Variants in MYCL observed in about 807,000 individuals in gnomAD.
MYCL encodes the protein MYCL proto-oncogene, bHLH transcription factor, also known as protein L-Myc.
Under a neutral mutation model 31.0 loss-of-function variants are expected in MYCL, and 11 were observed. The ratio of observed to expected loss-of-function variants is 0.35; its 90% CI spans 0.22 to 0.59. The LOEUF (loss-of-function observed/expected upper bound fraction) is 0.59, where lower values mean the gene tolerates loss of function less well. Ranked by LOEUF, MYCL falls within the 20% of genes least tolerant of loss-of-function variation. The pLI, the probability that MYCL is intolerant of heterozygous loss-of-function variation, is 0.79. For synonymous variants in MYCL, 208 were observed against 202.4 expected (o/e 1.03, Z -0.23); for missense variants, 427 against 486.1 (o/e 0.88, Z 1.14).
rs762384298 is a variant in MYCL, at chr1:39,901,030, G to T, written c.405C>A (p.Leu135=). ...CGGCGGGCGCCGGGTTGCCGGCTTCGAGGCTGGGAGTGCAGTCCGGGGCGG... is the reference window on the plus strand; with the variant it reads ...CGGCGGGCGCCGGGTTGCCGGCTTCTAGGCTGGGAGTGCAGTCCGGGGCGG... ...ASAAPDCTPS[L]EAGNPAPAAP... is the part of the protein sequence containing the mutation. The change falls in exon 1 of 2, where the codon CTC becomes CTA. Residue 135 remains leucine (L), a synonymous_variant. Coordinates refer to ENST00000372816, the MANE Select transcript of MYCL (RefSeq NM_001033081.3). This position sits in a 1 kb window ranked among gnomAD's most constrained non-coding sequence, Gnocchi z 6.9. 3 of 1,508,536 alleles carry T rather than the reference G, an allele frequency of 2.0e-6. No homozygotes were observed. Among genetic ancestry groups the T allele is most frequent in the Non-Finnish European group, 2.7e-6 (3 of 1,130,216 alleles). The allele number at this position is 1,508,536 out of a possible 1,614,324, so 93.4% of individuals were successfully genotyped here.
chr1:39,897,711 T>C lies in MYCL; in HGVS notation c.756A>G (p.Glu252=). 1 of 1,614,168 alleles carries C rather than the reference T, an allele frequency of 6.2e-7. No homozygotes were observed. Among genetic ancestry groups the C allele is most frequent in the Non-Finnish European group, 8.5e-7 (1 of 1,180,004 alleles). ...AAGEKEDEED[E]EIVSPPPVES... ...CTACAGGTGGGGGACTCACAATCTC[T>C]TCATCCTCCTCATCTTCCTTTTCCC... Residue 252 remains glutamate (E), a synonymous_variant, in exon 2 of 2, where the codon GAA becomes GAG. Coordinates refer to ENST00000372816, the MANE Select transcript of MYCL (RefSeq NM_001033081.3). The surrounding 1 kb of genome is among the most constrained non-coding windows in gnomAD (Gnocchi z 4.3).
At chr1:39,899,130 A>C (rs1644510353) in intron 1 of MYCL, 1 of 972,098 alleles carries the variant, frequency 1.0e-6, no homozygotes, top group Non-Finnish European at 1.2e-6. Flanking sequence ...CTGTGTTTGG[A>C]CTTCTGTCTT....
chr1:39,901,792 C>A lies in MYCL; in HGVS notation c.-358G>T. ...CGCGGGACCCGCGCCCGTGCCCTGG[C>A]CACCCGCAGCCTCACCTCGCTCCAG... is the stretch of plus-strand genomic sequence containing the variant. On this transcript the variant is annotated 5_prime_UTR_variant, in exon 1 of 2. Transcript: ENST00000372816. This position sits in a 1 kb window ranked among gnomAD's most constrained non-coding sequence, Gnocchi z 6.9. 1 of 1,271,124 alleles carries A rather than the reference C, an allele frequency of 7.9e-7. No homozygotes were observed. Among genetic ancestry groups the A allele is most frequent in the Non-Finnish European group, 1.0e-6 (1 of 998,424 alleles). The allele number at this position is 1,271,124 out of a possible 1,614,324, so 78.7% of individuals were successfully genotyped here.
rs1269729528 is a variant in MYCL, at chr1:39,897,561, C to T, written c.906G>A (p.Leu302=). Residue 302 remains leucine (L), a synonymous_variant, in exon 2 of 2, where the codon TTG becomes TTA. Coordinates refer to ENST00000372816, the MANE Select transcript of MYCL (RefSeq NM_001033081.3). The surrounding 1 kb of genome is among the most constrained non-coding windows in gnomAD (Gnocchi z 4.3). ...KRRNDLRSRF[L]ALRDQVPTLA... Reference sequence around the variant, plus strand: ...GGGTGGGCACCTGGTCCCTCAGCGCCAAGAATCGCGAACGCAGGTCATTCC... The same window carrying T: ...GGGTGGGCACCTGGTCCCTCAGCGCTAAGAATCGCGAACGCAGGTCATTCC... 1 of 1,614,106 alleles carries T rather than the reference C, an allele frequency of 6.2e-7. No individual in the cohort carries two copies. The highest frequency in any genetic ancestry group is 8.5e-7 in the Non-Finnish European group (1 of 1,180,052).
intron 1 of MYCL, chr1:39,899,747 T>G (rs1644516703): frequency 1.0e-6 from 1 of 984,938 alleles, no homozygotes; most frequent in Non-Finnish European, 1.2e-6. Flanking sequence ...AAAAAAGACT[T>G]TTAATTTTTG....
At position 39,897,869 on chromosome 1, in the gene MYCL, T is replaced by G; in HGVS notation, c.598A>C (p.Met200Leu). The G allele has an allele frequency of 1.2e-6, 2 of 1,614,214 alleles. No homozygotes were observed. The highest frequency in any genetic ancestry group is 1.3e-5 in the African/African-American group (1 of 75,048). ...TGGATGGAGATGTGGAAATGCTTCA[T>G]GCAGGGATCCAGGGGGTCTGCTCGC... ...TVRADPLDPC[M>L]KHFHISIHQQ... Residue 200 changes from methionine to leucine, a missense_variant, in exon 2 of 2, where the codon ATG becomes CTG. Coordinates refer to ENST00000372816, the MANE Select transcript of MYCL (RefSeq NM_001033081.3). This position sits in a 1 kb window ranked among gnomAD's most constrained non-coding sequence, Gnocchi z 4.3.
chr1:39,897,156 C>A lies in MYCL; in HGVS notation c.*216G>T. On this transcript the variant is annotated 3_prime_UTR_variant, in exon 2 of 2. Coordinates refer to ENST00000372816, the MANE Select transcript of MYCL (RefSeq NM_001033081.3). This position sits in a 1 kb window ranked among gnomAD's most constrained non-coding sequence, Gnocchi z 4.3. ...GAAGCCAAAGGCGCCAGAGAACATA[C>A]AGCACTCCCATGAGTCAGGGAAGAG... The A allele has an allele frequency of 1.7e-6, 1 of 581,546 alleles. No homozygotes were observed. Among genetic ancestry groups the A allele is most frequent in the Non-Finnish European group, 3.0e-6 (1 of 330,418 alleles). 36.0% of individuals were successfully genotyped at this position (581,546 alleles called of 1,614,324 possible). A position where few individuals can be genotyped will look rare whatever the true frequency, so the allele number is the denominator to read the frequency against.
chr1:39,898,477 C>T (rs1179446272), intron 1 of MYCL, among the ~76,000 whole-genome samples: 4 of 152,190 alleles, frequency 2.6e-5, no homozygotes, highest in Non-Finnish European at 5.9e-5. Flanking sequence ...CCTATTATTC[C>T]CCCACCTCTC....
chr1:39,897,657 G>C lies in MYCL; in HGVS notation c.810C>G (p.Pro270=), dbSNP rs759523837. Residue 270 remains proline, a synonymous_variant, in exon 2 of 2, where the codon CCC becomes CCG. Coordinates refer to ENST00000372816, the MANE Select transcript of MYCL (RefSeq NM_001033081.3). The surrounding 1 kb of genome is among the most constrained non-coding windows in gnomAD (Gnocchi z 4.3). ...VESEAAQSCH[P]KPVSSDTEDV... ...CCTCAGTATCAGAACTGACAGGTTT[G>C]GGGTGGCAGGACTGGGCAGCCTCAC... 4 of 1,614,204 alleles carry C rather than the reference G, an allele frequency of 2.5e-6. No individual in the cohort carries two copies. Among genetic ancestry groups the C allele is most frequent in the Non-Finnish European group, 3.4e-6 (4 of 1,180,044 alleles).
Position 39,897,261 on chromosome 1 carries a change from T to C in MYCL, c.*111A>G. ...GGCTGCAATGCATTCTGGGATCTAC[T>C]GTCCAGACTGTCCCACCATAACCAA... On this transcript the variant is annotated 3_prime_UTR_variant, in exon 2 of 2. Transcript: ENST00000372816. The surrounding 1 kb of genome is among the most constrained non-coding windows in gnomAD (Gnocchi z 4.3). The C allele has an allele frequency of 1.1e-6, 1 of 934,168 alleles. No homozygotes were observed. Among genetic ancestry groups the C allele is most frequent in the Non-Finnish European group, 1.6e-6 (1 of 615,352 alleles). The allele number at this position is 934,168 out of a possible 1,614,324, so 57.9% of individuals were successfully genotyped here.
intron 1 of MYCL, chr1:39,900,551 CT>C (rs1428898130): frequency 1.7e-6 from 2 of 1,175,782 alleles, no homozygotes; most frequent in Non-Finnish European, 2.1e-6. Context: ...TCTTCTCCCC[CT>C]AGGGGAGTGT....
Position 39,896,760 on chromosome 1 carries a change from G to A in MYCL, c.*612C>T, listed in dbSNP as rs567640219. ...CCCAGGGTCGCAGCATTGGGAGTGG[G>A]AGGAAGGGGGTCAGCTAACATCATA... is the stretch of plus-strand genomic sequence containing the variant. On this transcript the variant is annotated 3_prime_UTR_variant, in exon 2 of 2. Transcript: ENST00000372816. 1 of 216,050 alleles carries A rather than the reference G, an allele frequency of 4.6e-6. No individual in the cohort carries two copies. The highest frequency in any genetic ancestry group is 1.9e-4 in the South Asian group (1 of 5,358). 13.4% of individuals were successfully genotyped at this position (216,050 alleles called of 1,614,324 possible). A position where few individuals can be genotyped will look rare whatever the true frequency, so the allele number is the denominator to read the frequency against.
At chr1:39,900,334 T>C (rs751187408) in intron 1 of MYCL, 3 of 985,518 alleles carry the variant, frequency 3.0e-6, no homozygotes, top group Non-Finnish European at 3.6e-6. Context: ...CTTGTAGTGA[T>C]TGTCTATCTC....
chr1:39,897,584 TC>T lies in MYCL; in HGVS notation c.882del (p.Asn295MetfsTer10), dbSNP rs1320305271. The T allele has an allele frequency of 6.2e-7, 1 of 1,614,212 alleles. No individual in the cohort carries two copies. The highest frequency in any genetic ancestry group is 8.5e-7 in the Non-Finnish European group (1 of 1,180,042). On this transcript the variant is annotated frameshift_variant, in exon 2 of 2. Transcript: ENST00000372816. LOFTEE classifies it high-confidence loss of function. This position sits in a 1 kb window ranked among gnomAD's most constrained non-coding sequence, Gnocchi z 4.3. The part of the protein sequence containing the change: ...KNHNFLERKR[R>X]NDLRSRFLAL... The stretch of plus-strand genomic sequence containing the variant: ...GCCAAGAATCGCGAACGCAGGTCAT[TC>T]CGCCTCTTGCGCTCCAGGAAGTTGT...
At chr1:39,900,541 T>C in intron 1 of MYCL, 2 of 1,153,062 alleles carry the variant, frequency 1.7e-6, no homozygotes, top group Non-Finnish European at 2.1e-6. Flanking sequence ...GCTCTCGGCT[T>C]CTTCTCCCCC....
rs1644491859 is a variant in MYCL, at chr1:39,897,368, T to C, written c.*4A>G. ...AAGACAGAACTGTCAGGCTTTTTGG[T>C]CAGTTAGTAGCCAGTGAGGTATGCA... is the stretch of plus-strand genomic sequence containing the variant. On this transcript the variant is annotated 3_prime_UTR_variant, in exon 2 of 2. Transcript: ENST00000372816. This position sits in a 1 kb window ranked among gnomAD's most constrained non-coding sequence, Gnocchi z 4.3. The C allele has an allele frequency of 1.3e-6, 2 of 1,569,372 alleles. No homozygotes were observed. The highest frequency in any genetic ancestry group is 3.8e-5 in the Admixed American group (2 of 52,918).
chr1:39,897,234 C>T lies in MYCL; in HGVS notation c.*138G>A. 4 of 765,332 alleles carry T rather than the reference C, an allele frequency of 5.2e-6. No individual in the cohort carries two copies. The Admixed American group carries it at 7.0e-5, about 13-fold the overall frequency. The allele number at this position is 765,332 out of a possible 1,614,324, so 47.4% of individuals were successfully genotyped here. On this transcript the variant is annotated 3_prime_UTR_variant, in exon 2 of 2. Coordinates refer to ENST00000372816, the MANE Select transcript of MYCL (RefSeq NM_001033081.3). The surrounding 1 kb of genome is among the most constrained non-coding windows in gnomAD (Gnocchi z 4.3). ...AATGCAAGCCTTTATTGTGTGTGCACCGGCTGCAATGCATTCTGGGATCTA... is the reference window on the plus strand; with the variant it reads ...AATGCAAGCCTTTATTGTGTGTGCATCGGCTGCAATGCATTCTGGGATCTA...
rs2124721762 is a variant in MYCL, at chr1:39,901,756, C to T, written c.-322G>A. On this transcript the variant is annotated 5_prime_UTR_variant, in exon 1 of 2. Transcript: ENST00000372816. This position sits in a 1 kb window ranked among gnomAD's most constrained non-coding sequence, Gnocchi z 6.9. ...GCCGTGCCCAGAAGGCAGCCTGCAGCCAGCCCGCACCGCGGGACCCGCGCC... is the reference window on the plus strand; with the variant it reads ...GCCGTGCCCAGAAGGCAGCCTGCAGTCAGCCCGCACCGCGGGACCCGCGCC... 1 of 1,213,238 alleles carries T rather than the reference C, an allele frequency of 8.2e-7. No homozygotes were observed. The highest frequency in any genetic ancestry group is 1.0e-6 in the Non-Finnish European group (1 of 976,248). 75.2% of individuals were successfully genotyped at this position (1,213,238 alleles called of 1,614,324 possible). A position where few individuals can be genotyped will look rare whatever the true frequency, so the allele number is the denominator to read the frequency against.
chr1:39,899,617 G>A, intron 1 of MYCL: 1 of 985,176 alleles, frequency 1.0e-6, no homozygotes, highest in Non-Finnish European at 1.2e-6. Flanking sequence ...AGCCGTTGTA[G>A]AGATACATCT....
Sources: allele counts gnomAD v4.1 joint callset (sites outside exome capture counted in the v4.1 genomes callset), GRCh38; gene constraint gnomAD v4.1.1; non-coding constraint Gnocchi (gnomAD v3.1); transcripts MANE v1.5; gene names NCBI Gene and HGNC (gene_info 2026-07-23, HGNC 2026-07-21).